CAMK1D: variants seen among roughly 807,000 people sequenced by gnomAD.
CAMK1D encodes calcium/calmodulin dependent protein kinase ID.
CAMK1D carries 9 observed loss-of-function variants against 47.7 expected under a neutral mutation model. The observed-to-expected ratio is 0.19, with a 90% CI of 0.11 to 0.33. The LOEUF (loss-of-function observed/expected upper bound fraction) is 0.33, where lower values mean the gene tolerates loss of function less well. Ranked by LOEUF, CAMK1D falls within the 10% of genes least tolerant of loss-of-function variation. The pLI is 1.00. For missense variants in CAMK1D, 291 were observed against 488.7 expected, an observed-to-expected ratio of 0.60 and a Z score of 3.81; for synonymous variants, 184 against 184.9, an observed-to-expected ratio of 0.99 and a Z score of 0.04.
rs2131158313 is a variant in CAMK1D at position 12,835,432 on chromosome 10, A to G, written c.*6545A>G. ...TGCAAAATTGTTCATGGGTCTATGT[A>G]GCAAATGATTCTCTGCCTTGACAAT... On this transcript the variant is annotated 3_prime_UTR_variant, in exon 11 of 11. Coordinates refer to ENST00000619168, the MANE Select transcript of CAMK1D (RefSeq NM_153498.4). The G allele has an allele frequency of 6.6e-6, 1 of 152,378 alleles. No homozygotes were observed. Among genetic ancestry groups the G allele is most frequent in the East Asian group, 1.9e-4 (1 of 5,188 alleles). The allele number at this position is 152,378 out of a possible 1,614,324, so 9.4% of individuals were successfully genotyped here.
chr10:12,432,405 C>G (rs1323578293), intron 1 of CAMK1D, among the ~76,000 whole-genome samples: 1 of 152,110 alleles, frequency 6.6e-6, no homozygotes, highest in Non-Finnish European at 1.5e-5. Context: ...TTTTGCTTTC[C>G]CACCAAAGTG....
At chr10:12,578,558 T>G (rs2648705) in intron 2 of CAMK1D, among the ~76,000 whole-genome samples, 129,483 of 137,588 alleles carry the variant, frequency 0.94, 61,078 homozygotes, top group African/African-American at 0.96. Flanking sequence ...CAACAAGAGC[T>G]AAACTCCATC....
At chr10:12,628,136 CT>C (rs1269809960) in intron 2 of CAMK1D, among the ~76,000 whole-genome samples, 2 of 151,368 alleles carry the variant, frequency 1.3e-5, no homozygotes. Context: ...CAGTTTCAGG[CT>C]ATTAAGTTAA....
At chr10:12,538,058 C>T (rs1836035994) in intron 1 of CAMK1D, among the ~76,000 whole-genome samples, 1 of 152,146 alleles carries the variant, frequency 6.6e-6, no homozygotes, top group Admixed American at 6.6e-5. Context: ...CCATCTTTTC[C>T]TTTTTAAAAT....
intron 2 of CAMK1D, among the ~76,000 whole-genome samples, chr10:12,608,052 T>C (rs908498656): frequency 2.6e-5 from 4 of 152,174 alleles, no homozygotes; most frequent in African/African-American, 9.7e-5. Context: ...TTTATATTTT[T>C]GGGAAAGTGA....
intron 3 of CAMK1D, among the ~76,000 whole-genome samples, chr10:12,722,077 A>T (rs1478290945): frequency 6.6e-6 from 1 of 152,120 alleles, no homozygotes; most frequent in Non-Finnish European, 1.5e-5. Context: ...CAGGCCCCCC[A>T]TTCCTAACAC....
intron 1 of CAMK1D, among the ~76,000 whole-genome samples, chr10:12,417,880 C>T (rs547029614): frequency 5.6e-4 from 85 of 152,096 alleles, no homozygotes; most frequent in African/African-American, 2.0e-3. Flanking sequence ...TGGCTCACTG[C>T]AACCTCCGCC....
At chr10:12,761,937 T>C (rs1238132109) in intron 4 of CAMK1D, among the ~76,000 whole-genome samples, 1 of 152,198 alleles carries the variant, frequency 6.6e-6, no homozygotes, top group Non-Finnish European at 1.5e-5. Context: ...TCTTACAGTT[T>C]CCTAATGAGG....
At chr10:12,650,409 T>TTG in intron 2 of CAMK1D, among the ~76,000 whole-genome samples, 1 of 152,376 alleles carries the variant, frequency 6.6e-6, no homozygotes, top group East Asian at 1.9e-4. Flanking sequence ...TACGTACACT[T>TTG]CTGTCTTCTC....
At chr10:12,617,132 A>T (rs1180996121) in intron 2 of CAMK1D, among the ~76,000 whole-genome samples, 1 of 152,136 alleles carries the variant, frequency 6.6e-6, no homozygotes, top group Non-Finnish European at 1.5e-5. Context: ...CAGCTGATAG[A>T]ATTGGGAAGA....
At chr10:12,397,875 G>T (rs1015237092) in intron 1 of CAMK1D, among the ~76,000 whole-genome samples, 1 of 152,158 alleles carries the variant, frequency 6.6e-6, no homozygotes, top group African/African-American at 2.4e-5. Context: ...CTTGAAAAAT[G>T]TAAAGACCTG....
chr10:12,705,329 T>A (rs1175562284), intron 3 of CAMK1D, among the ~76,000 whole-genome samples: 1 of 151,720 alleles, frequency 6.6e-6, no homozygotes, highest in Non-Finnish European at 1.5e-5. Flanking sequence ...GGCGTGATGG[T>A]GAACTCCTGT....
chr10:12,669,410 C>A (rs1233350828), intron 3 of CAMK1D, among the ~76,000 whole-genome samples: 1 of 151,806 alleles, frequency 6.6e-6, no homozygotes, highest in East Asian at 1.9e-4. Flanking sequence ...GTTTGAATTA[C>A]CTAAGGAAAA....
At chr10:12,825,898 AGGC>A in intron 10 of CAMK1D, 4 of 704,788 alleles carry the variant, frequency 5.7e-6, no homozygotes, top group Non-Finnish European at 9.0e-6. Flanking sequence ...ACACTTTGGG[AGGC>A]TGAGGCAGGA....
chr10:12,761,057 A>G lies in CAMK1D; in HGVS notation c.409A>G (p.Arg137Gly). 6.2e-7 allele frequency: 1 copy of G among 1,614,190 alleles called. No homozygotes were observed. ...CTTGGACGCCGTGTACTATCTCCAC[A>G]GAATGGGCATCGTCCACAGAGACCT... ...QVLDAVYYLH[R>G]MGIVHRDLKP... Residue 137 changes from arginine (R) to glycine (G), a missense_variant, in exon 4 of 11, where the codon AGA becomes GGA. This residue lies in a region of CAMK1D where 219 missense variants were observed against 424.3 expected (regional missense o/e 0.52). Coordinates refer to ENST00000619168, the MANE Select transcript of CAMK1D (RefSeq NM_153498.4).
chr10:12,382,737 A>G (rs1838379474), intron 1 of CAMK1D, among the ~76,000 whole-genome samples: 1 of 152,132 alleles, frequency 6.6e-6, no homozygotes, highest in Non-Finnish European at 1.5e-5. Context: ...AGGCAGGAGA[A>G]TCTTTTGAAC....
chr10:12,693,960 A>G (rs1488967351), intron 3 of CAMK1D, among the ~76,000 whole-genome samples: 16 of 37,162 alleles, frequency 4.3e-4, no homozygotes, highest in African/African-American at 1.5e-3. Context: ...TATATATTAT[A>G]TATAAAATAT....
chr10:12,405,449 G>T (rs1359457450), intron 1 of CAMK1D, among the ~76,000 whole-genome samples: 1 of 152,196 alleles, frequency 6.6e-6, no homozygotes, highest in Non-Finnish European at 1.5e-5. Flanking sequence ...CCAGAGACAG[G>T]CAGTGAACTA....
chr10:12,612,818 T>C (rs1281541268), intron 2 of CAMK1D, among the ~76,000 whole-genome samples: 1 of 152,200 alleles, frequency 6.6e-6, no homozygotes, highest in East Asian at 1.9e-4. Flanking sequence ...CAGCATAAAA[T>C]TGTAATACCT....
Sources: allele counts gnomAD v4.1 joint callset (sites outside exome capture counted in the v4.1 genomes callset), GRCh38; gene constraint gnomAD v4.1.1; regional missense constraint gnomAD v4.1.1; transcripts MANE v1.5; gene names NCBI Gene and HGNC (gene_info 2026-07-23, HGNC 2026-07-21).